The following ASAP3 variants were observed in gnomAD, a reference collection of about 807,000 sequenced individuals.
ASAP3 encodes arf-GAP with SH3 domain, ANK repeat and PH domain-containing protein 3.
A neutral mutation model predicts 118.2 loss-of-function variants in ASAP3; 85 were observed. That is an observed-to-expected ratio of 0.72 (90% confidence interval 0.60 to 0.86). ASAP3 has a LOEUF of 0.86. ASAP3 is among the 40% of genes least tolerant of loss of function. ASAP3 has a pLI of 0.00. For missense variants in ASAP3, 1,026 were observed against 1,175.0 expected, an observed-to-expected ratio of 0.87 and a Z score of 1.85; for synonymous variants, 432 against 477.4, an observed-to-expected ratio of 0.90 and a Z score of 1.24.
chr1:23,445,544 AG>A (rs539969882), intron 5 of ASAP3, among the ~76,000 whole-genome samples: 5 of 152,136 alleles, frequency 3.3e-5, no homozygotes, highest in Non-Finnish European at 7.4e-5. Context: ...GGGCTGGCGT[AG>A]GGGAAGTCTC....
chr1:23,440,125 A>AT (rs539194086), intron 10 of ASAP3, among the ~76,000 whole-genome samples: 2,589 of 133,540 alleles, frequency 0.019, 53 homozygotes, highest in Middle Eastern at 0.038. Flanking sequence ...CCACAGACTG[A>AT]TTTTTTTTTT....
chr1:23,432,004 ATTTT>A (rs757118739), intron 22 of ASAP3, 86 bp from the exon 23 acceptor site: 493 of 619,400 alleles, frequency 8.0e-4, no homozygotes, highest in South Asian at 1.9e-3. Flanking sequence ...GGCCTCTAGG[ATTTT>A]TTTTTTTTTT....
chr1:23,456,134 T>C lies in ASAP3; in HGVS notation c.190A>G (p.Ser64Gly). The C allele has an allele frequency of 6.2e-7, 1 of 1,614,122 alleles. No individual in the cohort carries two copies. The highest frequency in any genetic ancestry group is 8.5e-7 in the Non-Finnish European group (1 of 1,180,006). Reference sequence around the variant, plus strand: ...GAGGCTCACTTACCAAGGCCGGAGCTATGGATTGCCCGCACAGCCTTCTTT... The same window carrying C: ...GAGGCTCACTTACCAAGGCCGGAGCCATGGATTGCCCGCACAGCCTTCTTT... ...RIKKAVRAIH[S>G]SGLGHVENEE... Residue 64 changes from serine to glycine, a missense_variant, in exon 2 of 25, where the codon AGC becomes GGC. By Grantham distance (56) the Ser-to-Gly change is moderately conservative. Coordinates refer to ENST00000336689, the MANE Select transcript of ASAP3 (RefSeq NM_017707.4).
rs934970877 is a variant in ASAP3, at chr1:23,436,592, G to C, written c.1539C>G (p.His513Gln). 1 of 1,614,240 alleles carries C rather than the reference G, an allele frequency of 6.2e-7. No homozygotes were observed. Among genetic ancestry groups the C allele is most frequent in the Non-Finnish European group, 8.5e-7 (1 of 1,180,040 alleles). Residue 513 changes from histidine to glutamine, a missense_variant, in exon 16 of 25, where the codon CAC becomes CAG. Physicochemically the swap from His to Gln is conservative, Grantham distance 24. Transcript: ENST00000336689. The surrounding 1 kb of genome is among the most constrained non-coding windows in gnomAD (Gnocchi z 4.2). Reference protein sequence around the residue: ...NEVMEAQLPSHGGPKPSAESD... With the variant: ...NEVMEAQLPSQGGPKPSAESD... ...TCTCAGCTGAGGGTTTAGGGCCGCCGTGTGAGGGTAGCTGGGCCTCCATGA... is the reference window on the plus strand; with the variant it reads ...TCTCAGCTGAGGGTTTAGGGCCGCCCTGTGAGGGTAGCTGGGCCTCCATGA...
chr1:23,443,007 G>A (rs1467591312), intron 5 of ASAP3, among the ~76,000 whole-genome samples: 1 of 152,176 alleles, frequency 6.6e-6, no homozygotes, highest in East Asian at 1.9e-4. Context: ...CTAAGGTAAG[G>A]AGGTGCCAGA....
intron 5 of ASAP3, among the ~76,000 whole-genome samples, chr1:23,449,869 G>C (rs992175000): frequency 2.6e-5 from 4 of 152,324 alleles, no homozygotes; most frequent in African/African-American, 9.6e-5. Flanking sequence ...CAGCAGAGTA[G>C]AGCTTATTAT....
At chr1:23,458,820 A>G (rs1196222546) in intron 1 of ASAP3, among the ~76,000 whole-genome samples, 1 of 152,106 alleles carries the variant, frequency 6.6e-6, no homozygotes, top group Non-Finnish European at 1.5e-5. Context: ...TGGAAAGCTA[A>G]AAGGTGAGTA....
intron 22 of ASAP3, 131 bp downstream of exon 22, chr1:23,432,946 A>T: frequency 2.1e-6 from 2 of 975,390 alleles, no homozygotes; most frequent in Middle Eastern, 3.2e-4. Context: ...TAAGGGGAAG[A>T]TGAGAACCCC....
At chr1:23,435,819 G>C in intron 17 of ASAP3, 32 bp downstream of exon 17, 1 of 1,613,170 alleles carries the variant, frequency 6.2e-7, no homozygotes, top group Non-Finnish European at 8.5e-7. Flanking sequence ...TTAGACAGGT[G>C]GGTTATAAGT....
At chr1:23,445,268 T>C (rs1055912208) in intron 5 of ASAP3, among the ~76,000 whole-genome samples, 4 of 152,072 alleles carry the variant, frequency 2.6e-5, no homozygotes, top group African/African-American at 7.2e-5. Flanking sequence ...GGTGAGAGGA[T>C]TGCTTGAGCC....
At chr1:23,470,969 C>T (rs1422655102) in intron 1 of ASAP3, among the ~76,000 whole-genome samples, 4 of 152,018 alleles carry the variant, frequency 2.6e-5, no homozygotes, top group Non-Finnish European at 5.9e-5. Context: ...TCCTCCTACC[C>T]GACCCCTGGC....
chr1:23,431,982 A>C, intron 22 of ASAP3, 64 bp from the exon 23 acceptor site: 15 of 1,435,472 alleles, frequency 1.0e-5, no homozygotes, highest in Non-Finnish European at 1.4e-5. Context: ...GCCCAACCTC[A>C]AAGCAGTCTC....
At chr1:23,443,805 C>T (rs1640957021) in intron 5 of ASAP3, among the ~76,000 whole-genome samples, 1 of 151,944 alleles carries the variant, frequency 6.6e-6, no homozygotes, top group African/African-American at 2.4e-5. Context: ...ACTGCAACCT[C>T]GGCCTCCTGG....
At chr1:23,455,764 C>T in intron 3 of ASAP3, 117 bp downstream of exon 3, 1 of 1,336,878 alleles carries the variant, frequency 7.5e-7, no homozygotes, top group Non-Finnish European at 1.0e-6. Flanking sequence ...GGTCTGAACT[C>T]AGGTCAGAGA....
At position 23,444,963 on chromosome 1, in the gene ASAP3, C is replaced by CTT. The variant is rs555108300; in HGVS notation, c.474-2353_474-2352dup. Among the ~76,000 whole-genome samples, 594 of 137,246 alleles carry CTT rather than the reference C, an allele frequency of 4.3e-3. 4 individuals are homozygous for CTT. The highest frequency in any genetic ancestry group is 8.9e-3 in the Admixed American group (121 of 13,602). The allele number at this position is 137,246 out of a possible 152,430, so 90.0% of individuals were successfully genotyped here. A position where few individuals can be genotyped will look rare whatever the true frequency, so the allele number is the denominator to read the frequency against. On this transcript the variant is annotated intron_variant, in intron 5 of 24. Coordinates refer to ENST00000336689, the MANE Select transcript of ASAP3 (RefSeq NM_017707.4). ...CTCCAGACATTGCAGGCTCTGTAGG[C>CTT]TTTTTTTTTTTTTTTTAATTTTAAA... is the stretch of plus-strand genomic sequence containing the variant.
intron 1 of ASAP3, among the ~76,000 whole-genome samples, chr1:23,471,370 T>C (rs1641956815): frequency 6.6e-6 from 1 of 152,202 alleles, no homozygotes. Context: ...CATTAGAGTA[T>C]CCTGGCCCTT....
intron 1 of ASAP3, among the ~76,000 whole-genome samples, chr1:23,473,974 CTTTTTTTTTTTT>C (rs10664798): frequency 4.2e-5 from 3 of 72,104 alleles, no homozygotes; most frequent in African/African-American, 6.8e-5. Context: ...TAAATCTGCT[CTTTTTTTTTTTT>C]TTTTTTTTTT....
intron 1 of ASAP3, among the ~76,000 whole-genome samples, chr1:23,475,797 C>T (rs1642109075): frequency 2.6e-5 from 4 of 152,114 alleles, no homozygotes. Context: ...ACAGCGAGAC[C>T]TCATCTTTAC....
At chr1:23,463,368 T>G (rs938697641) in intron 1 of ASAP3, among the ~76,000 whole-genome samples, 3 of 151,476 alleles carry the variant, frequency 2.0e-5, no homozygotes, top group Non-Finnish European at 4.4e-5. Context: ...AATGCAGGTT[T>G]TTTTTTTTAA....
Sources: gnomAD v4.1 joint callset for allele counts (sites outside exome capture counted in the v4.1 genomes callset) on GRCh38, gnomAD v4.1.1 for gene constraint, Gnocchi (gnomAD v3.1) non-coding constraint, MANE v1.5 for transcripts, NCBI Gene and HGNC (gene_info 2026-07-23, HGNC 2026-07-21) for gene names.